Variants in PRDM8 observed in about 807,000 individuals in gnomAD.
PRDM8 encodes PR domain zinc finger protein 8.
PRDM8 carries 13 observed loss-of-function variants against 46.5 expected under a neutral mutation model. That is an observed-to-expected ratio of 0.28 (90% CI 0.18 to 0.44). The LOEUF is 0.44. Ranked by LOEUF, PRDM8 falls within the 20% of genes least tolerant of loss-of-function variation. The pLI is 1.00. For synonymous variants in PRDM8, 473 were observed against 438.4 expected, an observed-to-expected ratio of 1.08 and a Z score of -0.98; for missense variants, 998 against 955.0, an observed-to-expected ratio of 1.04 and a Z score of -0.59.
At chr4:80,195,826 C>G (rs926817841), upstream of PRDM8, among the ~76,000 whole-genome samples, 2 of 151,248 alleles carry the variant, frequency 1.3e-5, no homozygotes, top group Admixed American at 6.6e-5. Context: ...GCAGCCCTTC[C>G]TTCTGTGAAT....
chr4:80,191,565 A>G (rs2109866276), exon 2 of PRDM8: 1 of 152,336 alleles, frequency 6.6e-6, no homozygotes, highest in African/African-American at 2.4e-5. Context: ...CCTCCACTTC[A>G]TAATGTAAGT....
intron 1 of PRDM8, among the ~76,000 whole-genome samples, chr4:80,188,647 G>A (rs941842032): frequency 1.3e-5 from 2 of 152,198 alleles, no homozygotes; most frequent in Non-Finnish European, 2.9e-5. Flanking sequence ...GATCCTTCAG[G>A]AGGAAGAGCA....
rs1738744710 is a variant in PRDM8 at position 80,203,453 on chromosome 4, A to G, written c.1991A>G (p.Glu664Gly). 2 of 1,613,264 alleles carry G rather than the reference A, an allele frequency of 1.2e-6. No homozygotes were observed. Among genetic ancestry groups the G allele is most frequent in the Non-Finnish European group, 1.7e-6 (2 of 1,179,762 alleles). ...CCCTTGGTGAAGCGGCGGCGAGAGG[A>G]GAAACTCAAGTGCCCCATCTGCAAT... ...MEPLVKRRRE[E>G]KLKCPICNES... Residue 664 changes from glutamate (E) to glycine (G), a missense_variant, in exon 4 of 4, where the codon GAG becomes GGG. Transcript: ENST00000415738.
chr4:80,199,740 C>CATAT (rs148169468), intron 1 of PRDM8, among the ~76,000 whole-genome samples: 3 of 73,930 alleles, frequency 4.1e-5, no homozygotes, highest in Admixed American at 2.6e-4. Context: ...TGTGTGTGTA[C>CATAT]ATATATATAT....
At chr4:80,193,760 T>G (rs538745311), upstream of PRDM8, among the ~76,000 whole-genome samples, 50 of 152,300 alleles carry the variant, frequency 3.3e-4, 1 homozygote, top group Admixed American at 2.9e-3. Flanking sequence ...GTCTGCTCCA[T>G]TGGCATCCTC....
chr4:80,196,057 CA>C (rs1182757284), upstream of PRDM8: 2 of 985,072 alleles, frequency 2.0e-6, no homozygotes, highest in Admixed American at 1.2e-4. Context: ...ACCAGGCTGT[CA>C]AAGCCTCAAT....
intron 2 of PRDM8, among the ~76,000 whole-genome samples, chr4:80,200,828 C>T (rs1233300482): frequency 2.0e-5 from 3 of 152,204 alleles, no homozygotes; most frequent in African/African-American, 7.2e-5. Flanking sequence ...CTCTCATTTC[C>T]TATTCTTCTT....
chr4:80,195,522 T>TGTG (rs1560469596), upstream of PRDM8, among the ~76,000 whole-genome samples: 2 of 142,746 alleles, frequency 1.4e-5, no homozygotes, highest in African/African-American at 5.4e-5. Context: ...GTGTGTGTGT[T>TGTG]TGTGTGTGTG....
At chr4:80,198,418 G>A (rs923278403) in intron 1 of PRDM8, among the ~76,000 whole-genome samples, 1 of 152,182 alleles carries the variant, frequency 6.6e-6, no homozygotes, top group African/African-American at 2.4e-5. Flanking sequence ...TTGAAAAGAG[G>A]AGAATAGGAT....
intron 1 of PRDM8, among the ~76,000 whole-genome samples, chr4:80,187,705 C>T (rs1226607028): frequency 6.6e-6 from 1 of 152,174 alleles, no homozygotes; most frequent in African/African-American, 2.4e-5. Flanking sequence ...TATGCCCCTT[C>T]TCTATATGCA....
chr4:80,197,325 G>C (rs937816653), upstream of PRDM8: 3 of 964,892 alleles, frequency 3.1e-6, no homozygotes, highest in Admixed American at 1.2e-4. Flanking sequence ...GTTGCCACCC[G>C]GGGTAGGCGC....
chr4:80,200,171 AC>A lies in PRDM8; in HGVS notation c.93del (p.Thr32ProfsTer15). On this transcript the variant is annotated frameshift_variant, in exon 2 of 4. Coordinates refer to ENST00000415738, the MANE Select transcript of PRDM8 (RefSeq NM_001099403.2). LOFTEE classifies it high-confidence loss of function. ...CLTDIFTSVY[T>X]TCDIPENAIF... Reference sequence around the variant, plus strand: ...GACAGATATTTTTACCAGCGTTTACACCACCTGCGACATCCCTGAGAATGCT... The same window carrying A: ...GACAGATATTTTTACCAGCGTTTACACACCTGCGACATCCCTGAGAATGCT... The A allele has an allele frequency of 6.2e-7, 1 of 1,614,132 alleles. No homozygotes were observed.
exon 1 of PRDM8, chr4:80,185,472 A>G (rs1006536996): frequency 1.3e-5 from 2 of 152,334 alleles, no homozygotes; most frequent in Non-Finnish European, 2.9e-5. Context: ...GAAGTGGAGC[A>G]GACTCACCGG....
rs1210702883 is a variant in PRDM8 at position 80,202,160 on chromosome 4, T to TCCA, written c.703_705dup (p.His235dup). 1 of 1,606,748 alleles carries TCCA rather than the reference T, an allele frequency of 6.2e-7. No individual in the cohort carries two copies. Reference sequence around the variant, plus strand: ...CCCAAGTTTTGCAAAGCCGGCCCCCTCCACCACTACCCATCCCCCTCCCCG... The same window carrying TCCA: ...CCCAAGTTTTGCAAAGCCGGCCCCCTCCACCACCACTACCCATCCCCCTCCCCG... On this transcript the variant is annotated inframe_insertion, in exon 4 of 4. Transcript: ENST00000415738.
upstream of PRDM8, chr4:80,197,425 G>A: frequency 1.0e-6 from 1 of 985,378 alleles, no homozygotes. Context: ...AAGAGTTAAA[G>A]GGAGGGGACG....
chr4:80,185,908 T>C (rs1737037673), intron 1 of PRDM8, among the ~76,000 whole-genome samples: 1 of 152,184 alleles, frequency 6.6e-6, no homozygotes, highest in African/African-American at 2.4e-5. Flanking sequence ...GGCCAATAAA[T>C]TAGCTTTAGG....
intron 1 of PRDM8, among the ~76,000 whole-genome samples, chr4:80,199,287 T>C (rs1258214926): frequency 6.6e-6 from 1 of 152,072 alleles, no homozygotes; most frequent in Non-Finnish European, 1.5e-5. Context: ...ATGAGCCACA[T>C]GTGACTCAAT....
At position 80,202,884 on chromosome 4, in the gene PRDM8, T is replaced by A. The variant is rs1400958109; in HGVS notation, c.1422T>A (p.Gly474=). 7.8e-6 allele frequency: 10 copies of A among 1,288,892 alleles called. No individual in the cohort carries two copies. The East Asian group carries it at 2.9e-4, about 38-fold the overall frequency. 79.8% of individuals were successfully genotyped at this position (1,288,892 alleles called of 1,614,324 possible). The change falls in exon 4 of 4, where the codon GGT becomes GGA. Residue 474 remains glycine (G), a synonymous_variant. Coordinates refer to ENST00000415738, the MANE Select transcript of PRDM8 (RefSeq NM_001099403.2). The part of the protein sequence containing the change: ...PQLGSAGSTS[G]GGGTGAGAAG... ...TGGGCAGCGCGGGCAGCACCAGCGG[T>A]GGGGGCGGAACGGGCGCCGGGGCCG...
Position 80,201,295 on chromosome 4 carries a change from C to A in PRDM8, c.225C>A (p.Asp75Glu). 1 of 1,614,176 alleles carries A rather than the reference C, an allele frequency of 6.2e-7. No individual in the cohort carries two copies. Among genetic ancestry groups the A allele is most frequent in the East Asian group, 2.2e-5 (1 of 44,888 alleles). ...KRTVPYIFRV[D>E]TSAANGSSEG... ...TCATTTATTTCAAACCGCAGGTAGA[C>A]ACCTCAGCAGCAAATGGTTCCTCAG... Residue 75 changes from aspartate (D) to glutamate (E), a missense_variant, in exon 3 of 4, where the codon GAC becomes GAA. Asp to Glu is a conservative substitution (Grantham distance 45). Transcript: ENST00000415738.
Sources: allele counts gnomAD v4.1 joint callset (sites outside exome capture counted in the v4.1 genomes callset), GRCh38; gene constraint gnomAD v4.1.1; transcripts MANE v1.5; gene names NCBI Gene and HGNC (gene_info 2026-07-23, HGNC 2026-07-21).